ZNF804B: variants seen among roughly 807,000 people sequenced by gnomAD.
The protein encoded by ZNF804B is zinc finger 804B.
In ZNF804B, 80 loss-of-function variants were observed where a neutral mutation model predicts 101.4. The observed-to-expected ratio is 0.79, with a 90% CI of 0.66 to 0.95. ZNF804B has a LOEUF of 0.95. ZNF804B is among the 40% of genes least tolerant of loss of function. ZNF804B has a pLI of 0.00. For missense variants in ZNF804B, 1,673 were observed against 1,561.9 expected (o/e 1.07, Z -1.20); for synonymous variants, 622 against 558.8 (o/e 1.11, Z -1.59).
intron 1 of ZNF804B, among the ~76,000 whole-genome samples, chr7:89,137,395 G>A (rs992570959): frequency 6.6e-6 from 1 of 152,180 alleles, no homozygotes; most frequent in Non-Finnish European, 1.5e-5. Context: ...ATAGTTATAT[G>A]AACAATAAGG....
At chr7:89,036,568 A>G (rs371995883) in intron 1 of ZNF804B, among the ~76,000 whole-genome samples, 1 of 152,232 alleles carries the variant, frequency 6.6e-6, no homozygotes, top group East Asian at 1.9e-4. Context: ...AAAAAGACAA[A>G]TGATTGTATT....
At chr7:89,085,545 G>A (rs987853333) in intron 1 of ZNF804B, among the ~76,000 whole-genome samples, 8 of 151,844 alleles carry the variant, frequency 5.3e-5, no homozygotes, top group African/African-American at 1.9e-4. Flanking sequence ...TTAATTGTGA[G>A]GTGGGTAAAT....
At chr7:89,057,372 G>T (rs1789313315) in intron 1 of ZNF804B, among the ~76,000 whole-genome samples, 1 of 152,006 alleles carries the variant, frequency 6.6e-6, no homozygotes, top group African/African-American at 2.4e-5. Context: ...TCAACCCTGG[G>T]GAGGGGGCAG....
At chr7:88,798,046 C>G (rs1268561707) in intron 1 of ZNF804B, among the ~76,000 whole-genome samples, 2 of 151,968 alleles carry the variant, frequency 1.3e-5, no homozygotes, top group African/African-American at 4.8e-5. Context: ...TTGTGCACTG[C>G]TTTTTCCAAA....
chr7:89,098,598 C>T (rs987818524), intron 1 of ZNF804B, among the ~76,000 whole-genome samples: 12 of 152,052 alleles, frequency 7.9e-5, no homozygotes, highest in Non-Finnish European at 1.5e-4. Context: ...AATGAAGAAA[C>T]TGAGATGAGG....
intron 1 of ZNF804B, among the ~76,000 whole-genome samples, chr7:88,948,193 C>T (rs1008908558): frequency 1.3e-5 from 2 of 151,578 alleles, no homozygotes; most frequent in Non-Finnish European, 2.9e-5. Flanking sequence ...TCATAGCAAA[C>T]ATGCCTGGGT....
rs550288999 is a variant in ZNF804B, at chr7:88,809,665, AT to A, written c.108+49588del. ...CTTTAAAACCAAAGTAAACCCATGA[AT>A]TTTTTTATGCATAACAGCTTCTCTC... On this transcript the variant is annotated intron_variant, in intron 1 of 3. Transcript: ENST00000333190. 1.4e-4 allele frequency among the ~76,000 whole-genome samples: 21 copies of A among 152,236 alleles called. No individual in the cohort carries two copies. The East Asian group carries it at 4.0e-3, about 29-fold the overall frequency.
chr7:89,178,223 C>T (rs1237210117), intron 1 of ZNF804B, among the ~76,000 whole-genome samples: 1 of 151,620 alleles, frequency 6.6e-6, no homozygotes, highest in Non-Finnish European at 1.5e-5. Context: ...CATCCATTTA[C>T]ATACTCTATG....
At chr7:89,219,640 C>T (rs78935852) in intron 2 of ZNF804B, among the ~76,000 whole-genome samples, 11,304 of 151,250 alleles carry the variant, frequency 0.075, 610 homozygotes, top group Non-Finnish European at 0.11. Context: ...ATACCACCGA[C>T]TGAGAAAAAA....
chr7:88,768,423 C>G (rs1296839282), intron 1 of ZNF804B, among the ~76,000 whole-genome samples: 1 of 152,196 alleles, frequency 6.6e-6, no homozygotes, highest in Non-Finnish European at 1.5e-5. Flanking sequence ...AGAACATTAA[C>G]TCACAAATAT....
intron 1 of ZNF804B, among the ~76,000 whole-genome samples, chr7:88,776,395 G>A (rs1159770877): frequency 1.3e-5 from 2 of 152,008 alleles, no homozygotes; most frequent in Non-Finnish European, 2.9e-5. Context: ...CAGGCATGAG[G>A]GCCAGTTAGC....
chr7:89,144,998 T>A, intron 1 of ZNF804B, among the ~76,000 whole-genome samples: 1 of 151,646 alleles, frequency 6.6e-6, no homozygotes. Flanking sequence ...CCCAGCTACT[T>A]GAGAGGTTGA....
chr7:89,130,084 A>G (rs557291964), intron 1 of ZNF804B, among the ~76,000 whole-genome samples: 1 of 151,964 alleles, frequency 6.6e-6, no homozygotes, highest in South Asian at 2.1e-4. Context: ...GGAGGGTTAT[A>G]CAGAGATTAG....
rs1182915463 is a variant in ZNF804B at position 88,877,017 on chromosome 7, TATATATATA to T, written c.108+116943_108+116951del. ...ATATTTGAAAAAAAAAATATATATA[TATATATATA>T]ATATATATATATATATATATATATT... On this transcript the variant is annotated intron_variant, in intron 1 of 3. Transcript: ENST00000333190. Among the ~76,000 whole-genome samples the T allele has an allele frequency of 3.5e-4, 31 of 88,978 alleles. 1 individual carries two copies. The highest frequency in any genetic ancestry group is 1.3e-3 in the African/African-American group (20 of 14,888). 58.4% of individuals were successfully genotyped at this position (88,978 alleles called of 152,430 possible). A position where few individuals can be genotyped will look rare whatever the true frequency, so the allele number is the denominator to read the frequency against.
intron 1 of ZNF804B, among the ~76,000 whole-genome samples, chr7:89,039,208 T>C (rs1003627825): frequency 6.6e-6 from 1 of 152,036 alleles, no homozygotes; most frequent in Admixed American, 6.6e-5. Flanking sequence ...CTGTGAAAAA[T>C]GCCATTACAA....
intron 1 of ZNF804B, among the ~76,000 whole-genome samples, chr7:89,058,428 AATGGATTTTACTTTCT>A (rs1789328666): frequency 6.6e-6 from 1 of 152,146 alleles, no homozygotes; most frequent in East Asian, 1.9e-4. Context: ...AAAGATTAAC[AATGGATTTTACTTTCT>A]ACACCTTTGA....
rs544597637 is a variant in ZNF804B, at chr7:88,882,405, C to T, written c.108+122321C>T. Among the ~76,000 whole-genome samples, 5 of 152,152 alleles carry T rather than the reference C, an allele frequency of 3.3e-5. No homozygotes were observed. In the South Asian group the frequency reaches 6.2e-4, roughly 19 times the overall value. ...TGGTGAGGCTGCAGAGAAAAGGGGA[C>T]GCTTATACACTGATGGTGGGAATGT... is the stretch of plus-strand genomic sequence containing the variant. On this transcript the variant is annotated intron_variant, in intron 1 of 3. Coordinates refer to ENST00000333190, the MANE Select transcript of ZNF804B (RefSeq NM_181646.5).
intron 2 of ZNF804B, among the ~76,000 whole-genome samples, chr7:89,226,903 A>C (rs558442826): frequency 6.6e-6 from 1 of 152,264 alleles, no homozygotes; most frequent in Admixed American, 6.5e-5. Context: ...TATAAGAACA[A>C]AGTTTCATTA....
At chr7:89,163,328 A>T (rs1332262622) in intron 1 of ZNF804B, among the ~76,000 whole-genome samples, 1 of 152,138 alleles carries the variant, frequency 6.6e-6, no homozygotes, top group Non-Finnish European at 1.5e-5. Flanking sequence ...GTATTTTTTA[A>T]CTTACAAGTT....
Sources: gnomAD v4.1 joint callset for allele counts (sites outside exome capture counted in the v4.1 genomes callset) on GRCh38, gnomAD v4.1.1 for gene constraint, MANE v1.5 for transcripts, NCBI Gene and HGNC (gene_info 2026-07-23, HGNC 2026-07-21) for gene names.